Variants in USP47 observed in about 807,000 individuals in gnomAD.
The protein encoded by USP47 is ubiquitin carboxyl-terminal hydrolase 47.
USP47 carries 35 observed loss-of-function variants against 165.1 expected under a neutral mutation model. The observed-to-expected ratio is 0.21, with a 90% confidence interval of 0.16 to 0.28. The LOEUF is 0.28. Ranked by LOEUF, USP47 falls within the 10% of genes least tolerant of loss-of-function variation. The pLI is 1.00. For synonymous variants in USP47, 531 were observed against 544.5 expected (o/e 0.98, Z 0.35); for missense variants, 1,277 against 1,607.4 (o/e 0.79, Z 3.52).
intron 11 of USP47, among the ~76,000 whole-genome samples, chr11:11,925,538 T>C (rs975473207): frequency 1.1e-4 from 17 of 152,188 alleles, no homozygotes; most frequent in African/African-American, 3.9e-4. Flanking sequence ...TTGTTAGTGT[T>C]AGTGAAACAA....
chr11:11,842,244 G>C lies in USP47; in HGVS notation c.39+20G>C. 1 of 1,551,732 alleles carries C rather than the reference G, an allele frequency of 6.4e-7. No homozygotes were observed. Among genetic ancestry groups the C allele is most frequent in the Non-Finnish European group, 8.7e-7 (1 of 1,146,902 alleles). On this transcript the variant is annotated intron_variant, in intron 1 of 27. Coordinates refer to ENST00000527733, the MANE Select transcript of USP47 (RefSeq NM_001282659.2). ...AAAGAGGTGAGGGGCCCCAGAGGAG[G>C]TTAGGCCTTAGGCCTGCGGCCGCTC...
rs1299252067 is a variant in USP47, at chr11:11,930,034, A to G, written c.1519-10A>G. 2 of 1,612,078 alleles carry G rather than the reference A, an allele frequency of 1.2e-6. No homozygotes were observed. Among genetic ancestry groups the G allele is most frequent in the Middle Eastern group, 1.7e-4 (1 of 6,044 alleles). On this transcript the variant is annotated splice_polypyrimidine_tract_variant and intron_variant, in intron 12 of 27. Coordinates refer to ENST00000527733, the MANE Select transcript of USP47 (RefSeq NM_001282659.2). ...GAATTTGCAAAAAAAATCATGTAAC[A>G]CATTTTCAGATAACACAAGAGGACA...
intron 8 of USP47, among the ~76,000 whole-genome samples, chr11:11,918,889 T>G (rs922782663): frequency 1.3e-5 from 2 of 152,030 alleles, no homozygotes; most frequent in Non-Finnish European, 2.9e-5. Flanking sequence ...AAGCTATAGA[T>G]GTAATTTCTT....
chr11:11,873,811 G>A, intron 1 of USP47: 1 of 1,486,518 alleles, frequency 6.7e-7, no homozygotes, highest in Non-Finnish European at 8.9e-7. Flanking sequence ...ATGTGTTTTG[G>A]AGATGCAGAC....
Position 11,948,132 on chromosome 11 carries a change from T to C in USP47, c.3267+12T>C, listed in dbSNP as rs1331269285. 6.3e-7 allele frequency: 1 copy of C among 1,598,738 alleles called. No individual in the cohort carries two copies. Among genetic ancestry groups the C allele is most frequent in the East Asian group, 2.2e-5 (1 of 44,704 alleles). Reference sequence around the variant, plus strand: ...CTGATGACAATAAGGTTGATTAAAATAATCTTCGAGTAGTTAGAGTCTATT... The same window carrying C: ...CTGATGACAATAAGGTTGATTAAAACAATCTTCGAGTAGTTAGAGTCTATT... On this transcript the variant is annotated intron_variant, in intron 21 of 27. Transcript: ENST00000527733.
intron 1 of USP47, chr11:11,856,468 A>G (rs1251116942): frequency 1.3e-5 from 2 of 152,220 alleles, no homozygotes; most frequent in Non-Finnish European, 2.9e-5. Flanking sequence ...TTTTCATAAT[A>G]CATTTTAGCA....
rs1265659695 is a variant in USP47 at position 11,947,444 on chromosome 11, C to T, written c.3092-501C>T. Among the ~76,000 whole-genome samples the T allele has an allele frequency of 2.4e-4, 37 of 152,136 alleles. 3 individuals are homozygous for T. The highest frequency in any genetic ancestry group is 2.4e-3 in the Admixed American group (36 of 15,268). On this transcript the variant is annotated intron_variant, in intron 20 of 27. Transcript: ENST00000527733. ...TTACTAACAGTTTTTGAGGCAATCA[C>T]GCTGTATTTGGCACTGTGCTGAAAG...
intron 11 of USP47, among the ~76,000 whole-genome samples, chr11:11,926,943 C>G (rs1854296381): frequency 8.9e-6 from 1 of 112,726 alleles, no homozygotes; most frequent in Non-Finnish European, 2.2e-5. Context: ...GTGGTTTCTT[C>G]TTTGACCCAT....
At chr11:11,911,828 A>T (rs1208995243) in intron 8 of USP47, among the ~76,000 whole-genome samples, 1 of 152,094 alleles carries the variant, frequency 6.6e-6, no homozygotes, top group Non-Finnish European at 1.5e-5. Context: ...TCCATTAAAT[A>T]TATACGAGGA....
In USP47 at chr11:11,940,944, G is replaced by A. The variant is rs192360947; in HGVS notation, c.2313+396G>A. 2.4e-4 allele frequency among the ~76,000 whole-genome samples: 37 copies of A among 152,018 alleles called. 1 individual carries two copies. The East Asian group carries it at 7.0e-3, about 29-fold the overall frequency. On this transcript the variant is annotated intron_variant, in intron 19 of 27. Transcript: ENST00000527733. ...TTGTCCCATAAAGCAGTGCTTCATG[G>A]TGAGGGTCAGAGGCATACCTGGTAT...
At chr11:11,902,003 T>C (rs1852262257) in intron 5 of USP47, among the ~76,000 whole-genome samples, 1 of 151,856 alleles carries the variant, frequency 6.6e-6, no homozygotes. Flanking sequence ...TGAATCCCTC[T>C]TCACCAGTCA....
intron 1 of USP47, among the ~76,000 whole-genome samples, chr11:11,869,076 G>T (rs1849864779): frequency 6.6e-6 from 1 of 152,024 alleles, no homozygotes; most frequent in Non-Finnish European, 1.5e-5. Flanking sequence ...GTAACTTTTA[G>T]TCCTTAACGG....
chr11:11,941,473 C>T (rs1439975870), intron 19 of USP47, among the ~76,000 whole-genome samples: 4 of 151,744 alleles, frequency 2.6e-5, no homozygotes, highest in South Asian at 2.1e-4. Context: ...ATGCCAAGTA[C>T]GAATTTCATT....
chr11:11,877,745 A>G (rs939524620), intron 1 of USP47, among the ~76,000 whole-genome samples: 16 of 149,970 alleles, frequency 1.1e-4, no homozygotes, highest in Non-Finnish European at 2.2e-4. Flanking sequence ...GTTTGTGATT[A>G]TGTAGCATGC....
rs973268301 is a variant in USP47, at chr11:11,877,340, T to A, written c.40-2837T>A. On this transcript the variant is annotated intron_variant, in intron 1 of 27. Transcript: ENST00000527733. ...TCCACATGTTATATTAAAGTATAGGTGAAATAAGAATGGGCCCAGAAAGTT... is the reference window on the plus strand; with the variant it reads ...TCCACATGTTATATTAAAGTATAGGAGAAATAAGAATGGGCCCAGAAAGTT... Among the ~76,000 whole-genome samples, 4 of 152,192 alleles carry A rather than the reference T, an allele frequency of 2.6e-5. 1 individual carries two copies. The South Asian group carries it at 8.3e-4, about 32-fold the overall frequency.
rs1847398391 is a variant in USP47, at chr11:11,960,359, C to T, written c.*4184C>T. ...TTTTTGTAGACATGAAGGTAGATGC[C>T]CTGCAGGTCCTATCAGCAAAGGACC... On this transcript the variant is annotated 3_prime_UTR_variant, in exon 28 of 28. Transcript: ENST00000527733. Among the ~76,000 whole-genome samples the T allele has an allele frequency of 6.6e-6, 1 of 152,102 alleles. No homozygotes were observed. The highest frequency in any genetic ancestry group is 1.5e-5 in the Non-Finnish European group (1 of 68,016).
At chr11:11,877,771 C>G (rs1414120462) in intron 1 of USP47, among the ~76,000 whole-genome samples, 2 of 135,552 alleles carry the variant, frequency 1.5e-5, no homozygotes, top group African/African-American at 5.9e-5. Context: ...TAGCCTTTCT[C>G]TCTCTCTCTC....
At chr11:11,917,858 G>A (rs750653972) in intron 8 of USP47, among the ~76,000 whole-genome samples, 1 of 152,070 alleles carries the variant, frequency 6.6e-6, no homozygotes, top group Non-Finnish European at 1.5e-5. Context: ...ATATGAGTGG[G>A]CTTAAATTGC....
intron 1 of USP47, among the ~76,000 whole-genome samples, chr11:11,849,611 C>G (rs1848617365): frequency 6.6e-6 from 1 of 152,160 alleles, no homozygotes; most frequent in Non-Finnish European, 1.5e-5. Context: ...GAAGCTCTTT[C>G]CCAGGGCCTT....
Sources: gnomAD v4.1 joint callset for allele counts (sites outside exome capture counted in the v4.1 genomes callset) on GRCh38, gnomAD v4.1.1 for gene constraint, MANE v1.5 for transcripts, NCBI Gene and HGNC (gene_info 2026-07-23, HGNC 2026-07-21) for gene names.